Variants in PTCD2 observed in about 807,000 individuals in gnomAD.
The protein encoded by PTCD2 is pentatricopeptide repeat-containing protein 2, mitochondrial.
PTCD2 carries 31 observed loss-of-function variants against 42.6 expected under a neutral mutation model. That is an observed-to-expected ratio of 0.73 (90% CI 0.55 to 0.98). PTCD2 has a LOEUF of 0.98. Among genes scored for constraint, PTCD2 ranks in the 50% least tolerant of loss-of-function variants. The probability of loss-of-function intolerance (pLI) is 0.00; values close to 1 mark genes in which losing one functional copy is unlikely to be tolerated. For synonymous variants in PTCD2, 183 were observed against 170.9 expected (o/e 1.07, Z -0.55); for missense variants, 476 against 454.8 (o/e 1.05, Z -0.42).
chr5:72,349,590 A>G (rs1376835493), intron 8 of PTCD2, among the ~76,000 whole-genome samples: 2 of 152,168 alleles, frequency 1.3e-5, no homozygotes, highest in East Asian at 3.8e-4. Flanking sequence ...GTTCAAAGGT[A>G]TCTAGTAACG....
At chr5:72,324,907 A>C (rs150525293) in intron 2 of PTCD2, among the ~76,000 whole-genome samples, 72 of 151,906 alleles carry the variant, frequency 4.7e-4, no homozygotes, top group African/African-American at 1.6e-3. Context: ...CTGTTGAAAT[A>C]CTGGATTCTT....
In PTCD2 at chr5:72,335,813, A is replaced by T. The variant is rs756285362; in HGVS notation, c.567A>T (p.Ile189=). 6.2e-7 allele frequency: 1 copy of T among 1,613,264 alleles called. No homozygotes were observed. Among genetic ancestry groups the T allele is most frequent in the South Asian group, 1.1e-5 (1 of 91,056 alleles). The change falls in exon 6 of 10, where the codon ATA becomes ATT. Residue 189 remains isoleucine (I), a synonymous_variant. Transcript: ENST00000380639. ...TGGCAGGTGCTTTGCAAGTATTGATAGAGATGAAAAACCAAGATGTGAAGT... is the reference window on the plus strand; with the variant it reads ...TGGCAGGTGCTTTGCAAGTATTGATTGAGATGAAAAACCAAGATGTGAAGT... ...GKYKSALQVL[I]EMKNQDVKFT...
chr5:72,355,040 G>C (rs564266451), intron 9 of PTCD2, among the ~76,000 whole-genome samples: 1 of 152,214 alleles, frequency 6.6e-6, no homozygotes, highest in South Asian at 2.1e-4. Context: ...ATATATTTAT[G>C]TTTTTGAAAA....
At chr5:72,328,989 A>C (rs2112138912) in intron 3 of PTCD2, among the ~76,000 whole-genome samples, 1 of 152,354 alleles carries the variant, frequency 6.6e-6, no homozygotes, top group Middle Eastern at 3.4e-3. Context: ...ATTTAAAGTC[A>C]CACTGTATCT....
chr5:72,343,401 C>A lies in PTCD2; in HGVS notation c.828+365C>A, dbSNP rs555015764. The stretch of plus-strand genomic sequence containing the variant: ...CCCTTTACCAAGCCTTGAGAGAAAC[C>A]CATGTGCCAACTGCGTCTTATTGGT... On this transcript the variant is annotated intron_variant, in intron 8 of 9. Transcript: ENST00000380639. Among the ~76,000 whole-genome samples the A allele has an allele frequency of 2.6e-5, 4 of 152,310 alleles. No individual in the cohort carries two copies. The South Asian group carries it at 8.3e-4, about 32-fold the overall frequency.
chr5:72,350,662 T>C (rs73761768), intron 8 of PTCD2, among the ~76,000 whole-genome samples: 5,302 of 152,286 alleles, frequency 0.035, 113 homozygotes, highest in African/African-American at 0.058. Context: ...TGAATTTAAA[T>C]TGGGTTCTTT....
intron 8 of PTCD2, among the ~76,000 whole-genome samples, chr5:72,347,869 C>A (rs1041582829): frequency 6.6e-6 from 1 of 152,128 alleles, no homozygotes; most frequent in Admixed American, 6.5e-5. Context: ...AGGAACAGCT[C>A]CTTTCCTCTG....
chr5:72,321,954 C>CAAA (rs1750879128), intron 1 of PTCD2, among the ~76,000 whole-genome samples: 1 of 152,176 alleles, frequency 6.6e-6, no homozygotes, highest in Non-Finnish European at 1.5e-5. Context: ...CTTTCACACA[C>CAAA]ACAAATAAAA....
At chr5:72,357,803 G>T (rs1752950416) in intron 9 of PTCD2, among the ~76,000 whole-genome samples, 1 of 150,560 alleles carries the variant, frequency 6.6e-6, no homozygotes, top group Admixed American at 6.6e-5. Flanking sequence ...TGCTGTCTGT[G>T]TGCCCCAGTA....
At chr5:72,332,765 C>A (rs1476314741) in intron 4 of PTCD2, among the ~76,000 whole-genome samples, 2 of 152,166 alleles carry the variant, frequency 1.3e-5, no homozygotes, top group African/African-American at 4.8e-5. Flanking sequence ...CCGAACTTCT[C>A]TTGTTCCCTA....
chr5:72,322,392 A>T, intron 2 of PTCD2, 128 bp downstream of exon 2: 1 of 655,076 alleles, frequency 1.5e-6, no homozygotes, highest in Non-Finnish European at 2.8e-6. Flanking sequence ...ATTTATTGTT[A>T]GTTTCATAGT....
At chr5:72,331,483 G>A in intron 4 of PTCD2, 108 bp downstream of exon 4, 1 of 814,548 alleles carries the variant, frequency 1.2e-6, no homozygotes. Flanking sequence ...TCAAAGAAAG[G>A]CTGCTGGGGC....
At chr5:72,320,632 C>T in intron 1 of PTCD2, 123 bp downstream of exon 1, 1 of 1,399,596 alleles carries the variant, frequency 7.1e-7, no homozygotes. Context: ...TGGAGCGCAC[C>T]CTCGCCCTCT....
Position 72,363,430 on chromosome 5 carries a change from G to A in PTCD2, c.*5003G>A, listed in dbSNP as rs1753134829. 1 of 152,252 alleles carries A rather than the reference G, an allele frequency of 6.6e-6. No homozygotes were observed. Among genetic ancestry groups the A allele is most frequent in the Non-Finnish European group, 1.5e-5 (1 of 68,052 alleles). The allele number at this position is 152,252 out of a possible 1,614,324, so 9.4% of individuals were successfully genotyped here. A position where few individuals can be genotyped will look rare whatever the true frequency, so the allele number is the denominator to read the frequency against. On this transcript the variant is annotated 3_prime_UTR_variant, in exon 10 of 10. Coordinates refer to ENST00000380639, the MANE Select transcript of PTCD2 (RefSeq NM_024754.5). ...GGGCAACACACTTTAAGAATAGTTG[G>A]TATAACAGAAAGCTTGTGTGTCTTG...
intron 1 of PTCD2, among the ~76,000 whole-genome samples, 168 bp from the exon 2 acceptor site, chr5:72,322,004 A>G (rs1750883039): frequency 1.3e-5 from 2 of 152,176 alleles, no homozygotes; most frequent in Admixed American, 6.5e-5. Flanking sequence ...GTAGTTCAGA[A>G]ATTGTTTTTC....
intron 4 of PTCD2, 42 bp downstream of exon 4, chr5:72,331,417 T>C: frequency 7.3e-7 from 1 of 1,361,882 alleles, no homozygotes; most frequent in African/African-American, 1.4e-5. Flanking sequence ...TGTGTGTGTT[T>C]TTGGTGATAT....
rs1753158985 is a variant in PTCD2, at chr5:72,364,558, A to T, written c.*6131A>T. 6.6e-6 allele frequency: 1 copy of T among 152,248 alleles called. No homozygotes were observed. The highest frequency in any genetic ancestry group is 1.5e-5 in the Non-Finnish European group (1 of 68,038). The allele number at this position is 152,248 out of a possible 1,614,324, so 9.4% of individuals were successfully genotyped here. ...TATGACCCCAAGGTGCTTATGTAGC[A>T]TATTATTTATACATCTAATGAGGTC... On this transcript the variant is annotated 3_prime_UTR_variant, in exon 10 of 10. Coordinates refer to ENST00000380639, the MANE Select transcript of PTCD2 (RefSeq NM_024754.5).
chr5:72,331,459 C>G, intron 4 of PTCD2, 84 bp downstream of exon 4: 2 of 989,914 alleles, frequency 2.0e-6, no homozygotes, highest in South Asian at 2.6e-5. Context: ...GTACATTATT[C>G]CTGGGTTAGA....
At chr5:72,332,291 A>G (rs531221847) in intron 4 of PTCD2, among the ~76,000 whole-genome samples, 8 of 152,174 alleles carry the variant, frequency 5.3e-5, no homozygotes, top group Non-Finnish European at 1.0e-4. Flanking sequence ...ACACCTGTGT[A>G]TTAGAAAGAT....
Sources: gnomAD v4.1 joint callset for allele counts (sites outside exome capture counted in the v4.1 genomes callset) on GRCh38, gnomAD v4.1.1 for gene constraint, MANE v1.5 for transcripts, NCBI Gene and HGNC (gene_info 2026-07-23, HGNC 2026-07-21) for gene names.